Variants in ARHGAP8 observed in about 807,000 individuals in gnomAD.
ARHGAP8 encodes the protein Rho GTPase activating protein 8.
A neutral mutation model predicts 46.1 loss-of-function variants in ARHGAP8; 62 were observed. The ratio of observed to expected loss-of-function variants is 1.34; its 90% CI spans 1.10 to 1.66. The LOEUF (loss-of-function observed/expected upper bound fraction) is 1.66. ARHGAP8 is among the 40% of genes most tolerant of loss of function. The pLI, the probability that ARHGAP8 is intolerant of heterozygous loss-of-function variation, is 0.00. For synonymous variants in ARHGAP8, 375 were observed against 243.1 expected, an observed-to-expected ratio of 1.54 and a Z score of -5.05; for missense variants, 923 against 568.4, an observed-to-expected ratio of 1.62 and a Z score of -6.34.
intron 4 of ARHGAP8, among the ~76,000 whole-genome samples, chr22:44,810,762 T>C (rs1929275451): frequency 6.6e-6 from 1 of 151,912 alleles, no homozygotes; most frequent in African/African-American, 2.4e-5. Flanking sequence ...TGGACTTTGG[T>C]GCAATTGGTG....
chr22:44,757,617 C>T (rs1924786373), intron 1 of ARHGAP8, among the ~76,000 whole-genome samples: 1 of 152,056 alleles, frequency 6.6e-6, no homozygotes, highest in South Asian at 2.1e-4. Flanking sequence ...CTTTAACCCC[C>T]TGCTCCTTTG....
At chr22:44,757,279 ATTTT>A (rs372905719) in intron 1 of ARHGAP8, among the ~76,000 whole-genome samples, 10 of 143,748 alleles carry the variant, frequency 7.0e-5, no homozygotes, top group African/African-American at 2.5e-4. Flanking sequence ...CAAATATTTA[ATTTT>A]TTTTTTTTTT....
chr22:44,832,843 T>G (rs1931037641), intron 7 of ARHGAP8, among the ~76,000 whole-genome samples: 1 of 152,146 alleles, frequency 6.6e-6, no homozygotes, highest in Admixed American at 6.5e-5. Flanking sequence ...AATCAGCAGT[T>G]AAGCTGGGCT....
chr22:44,775,204 G>A (rs1359484563), intron 1 of ARHGAP8, among the ~76,000 whole-genome samples: 1 of 152,202 alleles, frequency 6.6e-6, no homozygotes, highest in Non-Finnish European at 1.5e-5. Context: ...AAACTGAAAG[G>A]AGAATGAGCA....
At chr22:44,827,090 A>G (rs1328967021) in intron 7 of ARHGAP8, among the ~76,000 whole-genome samples, 1 of 152,170 alleles carries the variant, frequency 6.6e-6, no homozygotes, top group Non-Finnish European at 1.5e-5. Flanking sequence ...TGGTGGGCCC[A>G]AAGCAATCGC....
chr22:44,772,432 C>T lies in ARHGAP8; in HGVS notation c.-71-14025C>T, dbSNP rs191762535. ...CTCGGACTCCTGACCTCAAGTGATCCGCCCGCCTTGGCCTCCCAAAGTGCT... is the reference window on the plus strand; with the variant it reads ...CTCGGACTCCTGACCTCAAGTGATCTGCCCGCCTTGGCCTCCCAAAGTGCT... On this transcript the variant is annotated intron_variant, in intron 1 of 11. Coordinates refer to ENST00000356099, the MANE Select transcript of ARHGAP8 (RefSeq NM_181335.3). Among the ~76,000 whole-genome samples the T allele has an allele frequency of 2.2e-3, 323 of 148,264 alleles. 3 individuals are homozygous for T. The Middle Eastern group carries it at 0.024, about 11-fold the overall frequency.
Position 44,815,764 on chromosome 22 carries a change from C to T in ARHGAP8, c.386+1006C>T, listed in dbSNP as rs77944804. Among the ~76,000 whole-genome samples the T allele has an allele frequency of 6.8e-3, 1,037 of 152,264 alleles. 18 individuals carry two copies. Among genetic ancestry groups the T allele is most frequent in the African/African-American group, 0.024 (998 of 41,504 alleles). On this transcript the variant is annotated intron_variant, in intron 5 of 11. Transcript: ENST00000356099. The stretch of plus-strand genomic sequence containing the variant: ...AGGGGCTCGTGAGGCCTGGGAGGCT[C>T]TGCCTGGGTCGCATGGGCATCTTGT...
intron 10 of ARHGAP8, among the ~76,000 whole-genome samples, chr22:44,856,308 G>A (rs1227750177): frequency 1.8e-5 from 2 of 112,764 alleles, no homozygotes; most frequent in Non-Finnish European, 3.3e-5. Flanking sequence ...GTCTCACTCT[G>A]TTGCCCAGGC....
chr22:44,784,920 C>A (rs926004457), intron 1 of ARHGAP8, among the ~76,000 whole-genome samples: 3 of 152,214 alleles, frequency 2.0e-5, no homozygotes, highest in Non-Finnish European at 4.4e-5. Context: ...TCACCCCACC[C>A]TGGGACCCTC....
chr22:44,762,195 C>G (rs550600212), intron 1 of ARHGAP8, among the ~76,000 whole-genome samples: 4 of 152,120 alleles, frequency 2.6e-5, no homozygotes, highest in African/African-American at 9.7e-5. Context: ...CCCAGTGAGC[C>G]GGAAGGCTGA....
intron 4 of ARHGAP8, chr22:44,809,018 C>G (rs1456559449): frequency 2.2e-6 from 1 of 445,164 alleles, no homozygotes; most frequent in Admixed American, 2.5e-5. Context: ...ACGGGGATCT[C>G]ACTATGTGGC....
intron 5 of ARHGAP8, among the ~76,000 whole-genome samples, chr22:44,819,587 C>T (rs558559427): frequency 1.3e-5 from 2 of 152,268 alleles, no homozygotes; most frequent in Admixed American, 6.5e-5. Context: ...CTACGAGAAT[C>T]GCTTGAACCC....
chr22:44,785,099 C>CCCGCCTCACGCT (rs1295149117), intron 1 of ARHGAP8, among the ~76,000 whole-genome samples: 1 of 152,170 alleles, frequency 6.6e-6, no homozygotes, highest in African/African-American at 2.4e-5. Context: ...GCCCTCAGGC[C>CCCGCCTCACGCT]CCGCCTCACG....
At chr22:44,760,514 C>A (rs1925050540) in intron 1 of ARHGAP8, among the ~76,000 whole-genome samples, 1 of 152,124 alleles carries the variant, frequency 6.6e-6, no homozygotes, top group Admixed American at 6.5e-5. Flanking sequence ...ATCAGAACAC[C>A]CAGTTCCAAA....
rs72140861 is a variant in ARHGAP8 at position 44,860,662 on chromosome 22, CAGAG to C, written c.981+836_981+839del. On this transcript the variant is annotated intron_variant, in intron 11 of 11. Transcript: ENST00000356099. Reference sequence around the variant, plus strand: ...CTACACACCAGGCTAAGCAAATGACCAGAGAGAGAGAAACCCTTCAGTGCTCTGG... The same window carrying C: ...CTACACACCAGGCTAAGCAAATGACCAGAGAGAAACCCTTCAGTGCTCTGG... Among the ~76,000 whole-genome samples the C allele has an allele frequency of 1.2e-4, 18 of 152,152 alleles. No homozygotes were observed. In the East Asian group the frequency reaches 1.9e-3, roughly 16 times the overall value.
chr22:44,761,244 G>A (rs553146596), intron 1 of ARHGAP8, among the ~76,000 whole-genome samples: 3 of 152,312 alleles, frequency 2.0e-5, no homozygotes, highest in East Asian at 3.9e-4. Context: ...CTCTGTATTC[G>A]TGGGCTCTGC....
At chr22:44,828,232 A>G (rs867155770) in intron 7 of ARHGAP8, among the ~76,000 whole-genome samples, 8 of 152,286 alleles carry the variant, frequency 5.3e-5, no homozygotes, top group South Asian at 2.1e-4. Flanking sequence ...ACATTTTACT[A>G]CCAAATAGTA....
intron 3 of ARHGAP8, among the ~76,000 whole-genome samples, chr22:44,803,718 T>C (rs1440976137): frequency 2.0e-5 from 1 of 49,950 alleles, no homozygotes; most frequent in Non-Finnish European, 3.7e-5. Flanking sequence ...CCCCCATGCA[T>C]GCACCTCCTC....
intron 5 of ARHGAP8, among the ~76,000 whole-genome samples, chr22:44,818,305 T>G (rs1259988663): frequency 6.6e-6 from 1 of 151,746 alleles, no homozygotes; most frequent in South Asian, 2.1e-4. Context: ...AAAAATCAGC[T>G]GGGCGTGGTG....
Sources: gnomAD v4.1 joint callset for allele counts (sites outside exome capture counted in the v4.1 genomes callset) on GRCh38, gnomAD v4.1.1 for gene constraint, MANE v1.5 for transcripts, NCBI Gene and HGNC (gene_info 2026-07-23, HGNC 2026-07-21) for gene names.